NAALADL2: variants seen among roughly 807,000 people sequenced by gnomAD.
NAALADL2 encodes inactive N-acetylated-alpha-linked acidic dipeptidase-like protein 2.
NAALADL2 carries 76 observed loss-of-function variants against 87.2 expected under a neutral mutation model. That is an observed-to-expected ratio of 0.87 (90% CI 0.72 to 1.05). The LOEUF (loss-of-function observed/expected upper bound fraction) is 1.05, where lower values mean the gene tolerates loss of function less well. Ranked by LOEUF, NAALADL2 falls within the 50% of genes least tolerant of loss-of-function variation. The pLI is 0.00. For synonymous variants in NAALADL2, 354 were observed against 331.0 expected (o/e 1.07, Z -0.75); for missense variants, 1,089 against 945.8 (o/e 1.15, Z -1.99).
At chr3:175,563,753 T>G (rs1435011952) in intron 9 of NAALADL2, among the ~76,000 whole-genome samples, 1 of 152,172 alleles carries the variant, frequency 6.6e-6, no homozygotes, top group African/African-American at 2.4e-5. Context: ...AGTGAAAGAC[T>G]CCTTGGTACA....
intron 11 of NAALADL2, among the ~76,000 whole-genome samples, chr3:175,649,097 T>A (rs1342782640): frequency 6.6e-6 from 1 of 152,150 alleles, no homozygotes; most frequent in African/African-American, 2.4e-5. Flanking sequence ...ATAATTTATT[T>A]TAAAAATCCT....
At chr3:175,629,699 C>T (rs1185043690) in intron 11 of NAALADL2, among the ~76,000 whole-genome samples, 3 of 151,602 alleles carry the variant, frequency 2.0e-5, no homozygotes, top group Non-Finnish European at 4.4e-5. Flanking sequence ...TTCTCGATGC[C>T]TGAAGTCTTG....
intron 13 of NAALADL2, among the ~76,000 whole-genome samples, 187 bp downstream of exon 13, chr3:175,755,605 C>T (rs143335713): frequency 1.3e-5 from 2 of 152,076 alleles, no homozygotes; most frequent in African/African-American, 4.8e-5. Context: ...ATAATGGAAA[C>T]TTGGCTTAGC....
upstream of NAALADL2, among the ~76,000 whole-genome samples, chr3:174,855,030 T>C (rs6806992): frequency 0.49 from 74,113 of 151,278 alleles, 19,141 homozygotes; most frequent in African/African-American, 0.66. Flanking sequence ...GTAGAGATGG[T>C]GTTTCACCAT....
At chr3:175,009,474 G>T (rs1056687645) in intron 1 of NAALADL2, among the ~76,000 whole-genome samples, 1 of 152,124 alleles carries the variant, frequency 6.6e-6, no homozygotes, top group Non-Finnish European at 1.5e-5. Context: ...TAATCATTGA[G>T]CAGTAAGAGT....
intron 2 of NAALADL2, among the ~76,000 whole-genome samples, chr3:175,222,443 G>A (rs536879907): frequency 3.9e-5 from 6 of 152,204 alleles, no homozygotes; most frequent in Admixed American, 6.6e-5. Flanking sequence ...TAGTATTACT[G>A]GAAAACTTTA....
chr3:175,771,497 G>A (rs1296770264), intron 13 of NAALADL2, among the ~76,000 whole-genome samples: 4 of 152,142 alleles, frequency 2.6e-5, no homozygotes. Context: ...CATTTCTGGA[G>A]GCCAGAAGTC....
chr3:175,787,678 C>G (rs1329882545), intron 13 of NAALADL2, among the ~76,000 whole-genome samples: 1 of 152,082 alleles, frequency 6.6e-6, no homozygotes, highest in Non-Finnish European at 1.5e-5. Context: ...TCTTCTGCGT[C>G]GCTCACGCTG....
rs976934970 is a variant in NAALADL2 at position 175,428,163 on chromosome 3, T to TA, written c.1091-19059dup. ...AACTTGTTTTTGTATCTTATATTTA[T>TA]AAAAAAACTACCTGAGTACTTGATG... is the stretch of plus-strand genomic sequence containing the variant. On this transcript the variant is annotated intron_variant, in intron 5 of 13. Coordinates refer to ENST00000454872, the MANE Select transcript of NAALADL2 (RefSeq NM_207015.3). Among the ~76,000 whole-genome samples the TA allele has an allele frequency of 8.2e-4, 125 of 152,224 alleles. 1 individual carries two copies. The highest frequency in any genetic ancestry group is 8.4e-4 in the Non-Finnish European group (57 of 68,006).
chr3:175,191,468 G>A (rs556931375), intron 2 of NAALADL2, among the ~76,000 whole-genome samples: 43 of 152,252 alleles, frequency 2.8e-4, no homozygotes, highest in African/African-American at 1.0e-3. Context: ...ATTTTGGAAG[G>A]AGGAGATTGG....
chr3:175,467,873 T>C (rs778083843), intron 8 of NAALADL2, among the ~76,000 whole-genome samples: 5 of 152,180 alleles, frequency 3.3e-5, no homozygotes, highest in Non-Finnish European at 4.4e-5. Context: ...ATGCACTGTA[T>C]TTTTAATGGA....
intron 2 of NAALADL2, among the ~76,000 whole-genome samples, chr3:175,181,301 G>T (rs1736428099): frequency 6.6e-6 from 1 of 151,838 alleles, no homozygotes; most frequent in African/African-American, 2.4e-5. Flanking sequence ...ACAAATCATA[G>T]TCATATATAA....
intron 3 of NAALADL2, among the ~76,000 whole-genome samples, chr3:174,752,212 A>G (rs1047344271): frequency 3.9e-5 from 6 of 151,976 alleles, no homozygotes; most frequent in Non-Finnish European, 5.9e-5. Flanking sequence ...TCCTGACCTC[A>G]TGATCCACCT....
At chr3:175,001,151 G>A (rs564259940) in intron 1 of NAALADL2, among the ~76,000 whole-genome samples, 1 of 152,298 alleles carries the variant, frequency 6.6e-6, no homozygotes, top group South Asian at 2.1e-4. Context: ...GTAGCCCCCA[G>A]TTCCTTGATT....
chr3:175,289,739 T>A (rs998542991), intron 4 of NAALADL2, among the ~76,000 whole-genome samples: 1 of 152,078 alleles, frequency 6.6e-6, no homozygotes, highest in Non-Finnish European at 1.5e-5. Context: ...GGCAGGAGGA[T>A]CACTTGAGCC....
At chr3:175,154,667 T>A (rs1012956489) in intron 2 of NAALADL2, among the ~76,000 whole-genome samples, 3 of 152,128 alleles carry the variant, frequency 2.0e-5, no homozygotes, top group Non-Finnish European at 2.9e-5. Flanking sequence ...GTTGAGAAGA[T>A]AGGAAAAAAG....
intron 1 of NAALADL2, chr3:175,059,905 G>C (rs1433806014): frequency 2.5e-6 from 1 of 393,662 alleles, no homozygotes; most frequent in East Asian, 8.0e-5. Flanking sequence ...CAATGGGCCA[G>C]AGACTGCTTC....
chr3:174,805,574 A>G (rs528142059), intron 3 of NAALADL2, among the ~76,000 whole-genome samples: 2 of 152,294 alleles, frequency 1.3e-5, no homozygotes, highest in South Asian at 4.1e-4. Flanking sequence ...TCAGGAATTA[A>G]TATAGATTAG....
At chr3:175,792,228 C>CT (rs1341470081) in intron 13 of NAALADL2, among the ~76,000 whole-genome samples, 1 of 152,142 alleles carries the variant, frequency 6.6e-6, no homozygotes, top group African/African-American at 2.4e-5. Context: ...CAAAGTGCTC[C>CT]TTTAAAGCAT....
Sources: allele counts gnomAD v4.1 joint callset (sites outside exome capture counted in the v4.1 genomes callset), GRCh38; gene constraint gnomAD v4.1.1; transcripts MANE v1.5; gene names NCBI Gene and HGNC (gene_info 2026-07-23, HGNC 2026-07-21).